PDE8A: variants seen among roughly 807,000 people sequenced by gnomAD.
The protein encoded by PDE8A is high affinity cAMP-specific and IBMX-insensitive 3',5'-cyclic phosphodiesterase 8A.
Under a neutral mutation model 105.0 loss-of-function variants are expected in PDE8A, and 59 were observed. The observed-to-expected ratio is 0.56, with a 90% CI of 0.46 to 0.70. The LOEUF (loss-of-function observed/expected upper bound fraction) is 0.70, where lower values mean the gene tolerates loss of function less well. Among genes scored for constraint, PDE8A ranks in the 30% least tolerant of loss-of-function variants. PDE8A has a pLI of 0.00. For synonymous variants in PDE8A, 355 were observed against 371.9 expected, an observed-to-expected ratio of 0.95 and a Z score of 0.52; for missense variants, 1,014 against 1,045.9, an observed-to-expected ratio of 0.97 and a Z score of 0.42.
intron 20 of PDE8A, among the ~76,000 whole-genome samples, chr15:85,135,993 A>G (rs1236284053): frequency 6.6e-6 from 1 of 152,152 alleles, no homozygotes; most frequent in East Asian, 1.9e-4. Flanking sequence ...GCTTCAAGCC[A>G]GGTGGAAGGA....
At chr15:85,122,209 G>T (rs1289574543) in intron 18 of PDE8A, among the ~76,000 whole-genome samples, 9 of 151,862 alleles carry the variant, frequency 5.9e-5, no homozygotes, top group Admixed American at 5.2e-4. Flanking sequence ...TATTTTTAAT[G>T]ATTTGTGTAA....
chr15:85,070,329 G>T (rs534853179), intron 3 of PDE8A, among the ~76,000 whole-genome samples: 2 of 152,132 alleles, frequency 1.3e-5, no homozygotes, highest in African/African-American at 4.8e-5. Context: ...GGAACCCTAC[G>T]TTGTAAGTCT....
At chr15:85,052,134 C>G (rs2080985560) in intron 1 of PDE8A, among the ~76,000 whole-genome samples, 1 of 152,138 alleles carries the variant, frequency 6.6e-6, no homozygotes, top group Non-Finnish European at 1.5e-5. Context: ...CATCCATGTC[C>G]CTACAAAGGA....
At chr15:84,999,128 T>TTTC (rs1045648249) in intron 1 of PDE8A, among the ~76,000 whole-genome samples, 1 of 150,912 alleles carries the variant, frequency 6.6e-6, no homozygotes, top group Non-Finnish European at 1.5e-5. Context: ...ATTCTTTTTT[T>TTTC]TTTTTTTTTT....
At chr15:85,016,662 A>C (rs529240766) in intron 1 of PDE8A, among the ~76,000 whole-genome samples, 1 of 152,322 alleles carries the variant, frequency 6.6e-6, no homozygotes, top group African/African-American at 2.4e-5. Context: ...GAACTTTATA[A>C]TTAGCTTGTC....
At chr15:85,033,857 G>A (rs9302348) in intron 1 of PDE8A, among the ~76,000 whole-genome samples, 2,478 of 152,158 alleles carry the variant, frequency 0.016, 45 homozygotes, top group Middle Eastern at 0.051. Flanking sequence ...AGAGCAAGAC[G>A]TGGTCTCAAA....
At chr15:85,063,899 T>C (rs1436029123) in intron 1 of PDE8A, 1 of 153,892 alleles carries the variant, frequency 6.5e-6, no homozygotes, top group African/African-American at 2.4e-5. Context: ...TTCAATGACA[T>C]TCCATGGTTC....
At chr15:85,015,719 T>C in intron 1 of PDE8A, among the ~76,000 whole-genome samples, 1 of 152,256 alleles carries the variant, frequency 6.6e-6, no homozygotes, top group Middle Eastern at 3.2e-3. Flanking sequence ...CTTTTTTTGT[T>C]AACTATCTGT....
chr15:85,096,066 A>C (rs1567281802), intron 8 of PDE8A, among the ~76,000 whole-genome samples: 1 of 151,096 alleles, frequency 6.6e-6, no homozygotes, highest in African/African-American at 2.4e-5. Context: ...TAGTAGAGAC[A>C]GGGTTTCACC....
chr15:85,085,805 C>G (rs545828777), intron 6 of PDE8A, among the ~76,000 whole-genome samples: 1 of 151,710 alleles, frequency 6.6e-6, no homozygotes, highest in Non-Finnish European at 1.5e-5. Context: ...GTCAGGAGTT[C>G]GAGACCAGCC....
intron 1 of PDE8A, among the ~76,000 whole-genome samples, chr15:85,060,535 C>T (rs1045444275): frequency 2.0e-5 from 3 of 152,086 alleles, no homozygotes; most frequent in Non-Finnish European, 4.4e-5. Context: ...CAATTTAAAG[C>T]GTAGAGGAGA....
chr15:85,017,900 G>A (rs376910284), intron 1 of PDE8A, among the ~76,000 whole-genome samples: 14,506 of 62,584 alleles, frequency 0.23, 1,495 homozygotes, highest in Middle Eastern at 0.35. Context: ...AAAAAAAAAA[G>A]CAATAGTGGG....
chr15:85,041,926 G>T (rs418676), intron 1 of PDE8A, among the ~76,000 whole-genome samples: 117,664 of 152,128 alleles, frequency 0.77, 45,677 homozygotes, highest in African/African-American at 0.82. Context: ...CTTACCTCTC[G>T]TTCCAGTAGT....
intron 1 of PDE8A, among the ~76,000 whole-genome samples, chr15:85,049,196 C>T (rs138633432): frequency 2.6e-5 from 4 of 152,300 alleles, no homozygotes; most frequent in South Asian, 2.1e-4. Context: ...ATACACATAA[C>T]GTAAAATATA....
At chr15:85,116,874 G>A (rs2082105139) in intron 16 of PDE8A, among the ~76,000 whole-genome samples, 1 of 152,142 alleles carries the variant, frequency 6.6e-6, no homozygotes, top group Admixed American at 6.5e-5. Flanking sequence ...CAGCCAAGGA[G>A]AGTTGAAAAG....
At chr15:85,093,804 A>G (rs1415792741) in intron 8 of PDE8A, among the ~76,000 whole-genome samples, 3 of 151,838 alleles carry the variant, frequency 2.0e-5, no homozygotes, top group African/African-American at 7.3e-5. Flanking sequence ...TTTAGAACCC[A>G]TAGTCTCCCA....
intron 1 of PDE8A, among the ~76,000 whole-genome samples, chr15:85,020,136 A>G (rs1332203513): frequency 6.6e-6 from 1 of 151,896 alleles, no homozygotes; most frequent in African/African-American, 2.4e-5. Context: ...TCATTGGCAA[A>G]TAATAGGTAT....
chr15:85,096,007 C>G (rs1179845462), intron 8 of PDE8A, among the ~76,000 whole-genome samples: 1 of 151,950 alleles, frequency 6.6e-6, no homozygotes, highest in Non-Finnish European at 1.5e-5. Context: ...TCCCGAGTAG[C>G]TGGGACTACA....
chr15:85,009,108 AGAGTGTGTGTGTGTGTGT>A (rs1464545225), intron 1 of PDE8A, among the ~76,000 whole-genome samples: 3 of 42,214 alleles, frequency 7.1e-5, no homozygotes, highest in Non-Finnish European at 1.4e-4. Context: ...AGAGAGAGAG[AGAGTGTGTGTGTGTGTGT>A]GTGTGTGTGT....
Sources: allele counts gnomAD v4.1 joint callset (sites outside exome capture counted in the v4.1 genomes callset), GRCh38; gene constraint gnomAD v4.1.1; transcripts MANE v1.5; gene names NCBI Gene and HGNC (gene_info 2026-07-23, HGNC 2026-07-21).